Variants in ZMYM2 observed in about 807,000 individuals in gnomAD.
The protein encoded by ZMYM2 is zinc finger MYM-type containing 2.
In ZMYM2, 56 loss-of-function variants were observed where a neutral mutation model predicts 162.8. The observed-to-expected ratio is 0.34, with a 90% CI of 0.28 to 0.43. The LOEUF (loss-of-function observed/expected upper bound fraction) is 0.43. Among genes scored for constraint, ZMYM2 ranks in the 20% least tolerant of loss-of-function variants. ZMYM2 has a pLI of 1.00. For synonymous variants in ZMYM2, 510 were observed against 541.6 expected (o/e 0.94, Z 0.81); for missense variants, 1,275 against 1,621.8 (o/e 0.79, Z 3.67).
In ZMYM2 at chr13:20,083,709, C is replaced by T; in HGVS notation, c.3874C>T (p.Gln1292Ter). The change falls in exon 24 of 25, where the codon CAA (glutamine) becomes TAA (stop). Residue 1292 changes from glutamine (Q) to a stop codon, truncating the protein, a stop_gained. Transcript: ENST00000610343. LOFTEE classifies it high-confidence loss of function. ...TGAAGATGATGAGCCAGTATTTGAACAAATTGAAAACACAGCCAATCCTTC... is the reference window on the plus strand; with the variant it reads ...TGAAGATGATGAGCCAGTATTTGAATAAATTGAAAACACAGCCAATCCTTC... ...KHEDDEPVFEQIENTANPSRC... is the reference protein window; with the variant it reads ...KHEDDEPVFE 1 of 1,590,802 alleles carries T rather than the reference C, an allele frequency of 6.3e-7. No homozygotes were observed. The highest frequency in any genetic ancestry group is 8.6e-7 in the Non-Finnish European group (1 of 1,166,628).
At chr13:19,936,461 C>T in the ZMYM2 span, among the ~76,000 whole-genome samples, 47 of 152,170 alleles carry the variant, frequency 3.1e-4, no homozygotes, top group Non-Finnish European at 6.3e-4. Context: ...GTGGCTCTTG[C>T]CTGTAATCCC....
intron 21 of ZMYM2, among the ~76,000 whole-genome samples, chr13:20,078,278 C>G (rs1957655633): frequency 2.0e-5 from 3 of 152,098 alleles, no homozygotes; most frequent in Admixed American, 2.0e-4. Context: ...ATTAATGAAG[C>G]TTTATTCATA....
chr13:20,002,972 A>C lies in ZMYM2; in HGVS notation c.970A>C (p.Thr324Pro). Residue 324 changes from threonine (T) to proline (P), a missense_variant, in exon 4 of 25, where the codon ACT (threonine) becomes CCT (proline). Thr to Pro is a conservative substitution (Grantham distance 38). Around this residue, in one of 10 missense-constraint regions of ZMYM2, gnomAD observed 115 missense variants for 175.3 expected, o/e 0.66. Transcript: ENST00000610343. ...CCAGCCGTCTGTCCAACAGCAGCCT[A>C]CTAAACCAGTTAAAGTCACTTGTGC... Reference protein sequence around the residue: ...IFQPSVQQQPTKPVKVTCANC... With the variant: ...IFQPSVQQQPPKPVKVTCANC... 6.2e-7 allele frequency: 1 copy of C among 1,614,148 alleles called. No individual in the cohort carries two copies. Among genetic ancestry groups the C allele is most frequent in the Non-Finnish European group, 8.5e-7 (1 of 1,180,028 alleles).
At chr13:19,957,483 C>G (rs537144142), upstream of ZMYM2, among the ~76,000 whole-genome samples, 24 of 152,314 alleles carry the variant, frequency 1.6e-4, no homozygotes, top group South Asian at 2.1e-4. Flanking sequence ...CCATGACGTC[C>G]GCCGAAGACG....
At position 20,086,794 on chromosome 13, in the gene ZMYM2, TATATAA is replaced by T; in HGVS notation, c.*783_*788del. The T allele has an allele frequency of 6.6e-6, 1 of 151,050 alleles. No individual in the cohort carries two copies. Among genetic ancestry groups the T allele is most frequent in the Non-Finnish European group, 1.4e-5 (1 of 69,068 alleles). The allele number at this position is 151,050 out of a possible 1,614,324, so 9.4% of individuals were successfully genotyped here. On this transcript the variant is annotated 3_prime_UTR_variant, in exon 25 of 25. Coordinates refer to ENST00000610343, the MANE Select transcript of ZMYM2 (RefSeq NM_197968.4). ...GTGTATATATATATATATATATATA[TATATAA>T]ATGATTGTAAGTTGAAAACAAGATC... is the stretch of plus-strand genomic sequence containing the variant.
At chr13:20,051,255 A>T (rs373278010) in intron 12 of ZMYM2, among the ~76,000 whole-genome samples, 178 bp from the exon 13 acceptor site, 27,690 of 132,622 alleles carry the variant, frequency 0.21, 4,009 homozygotes, top group Admixed American at 0.29. Context: ...GTGAAATTGT[A>T]TTTTTTTTTT....
intron 19 of ZMYM2, among the ~76,000 whole-genome samples, chr13:20,064,907 G>A (rs1956557599): frequency 6.6e-6 from 1 of 152,014 alleles, no homozygotes; most frequent in African/African-American, 2.4e-5. Flanking sequence ...AGTTGCTAAA[G>A]TAGTAAGTTC....
intron 21 of ZMYM2, among the ~76,000 whole-genome samples, chr13:20,074,319 C>A (rs1957327360): frequency 6.6e-6 from 1 of 151,396 alleles, no homozygotes; most frequent in Non-Finnish European, 1.5e-5. Context: ...ATACCCTCAA[C>A]CTCCCAGGCT....
In ZMYM2 at chr13:20,086,260, GT is replaced by G. The variant is rs1958261958; in HGVS notation, c.*249del. On this transcript the variant is annotated 3_prime_UTR_variant, in exon 25 of 25. Coordinates refer to ENST00000610343, the MANE Select transcript of ZMYM2 (RefSeq NM_197968.4). The stretch of plus-strand genomic sequence containing the variant: ...TATTATTATTTATTTGATTAGGTAT[GT>G]TTGTAACTTTTTACATTACAGAATA... The G allele has an allele frequency of 3.2e-6, 1 of 310,322 alleles. No individual in the cohort carries two copies. Among genetic ancestry groups the G allele is most frequent in the African/African-American group, 2.1e-5 (1 of 47,240 alleles). The allele number at this position is 310,322 out of a possible 1,614,324, so 19.2% of individuals were successfully genotyped here. A position where few individuals can be genotyped will look rare whatever the true frequency, so the allele number is the denominator to read the frequency against.
chr13:19,920,070 A>G, the ZMYM2 span, among the ~76,000 whole-genome samples: 1 of 152,124 alleles, frequency 6.6e-6, no homozygotes, highest in African/African-American at 2.4e-5. Flanking sequence ...TGGTCTCCCA[A>G]TGTGCTGGGA....
chr13:20,076,400 G>T (rs1957506802), intron 21 of ZMYM2, among the ~76,000 whole-genome samples: 1 of 150,420 alleles, frequency 6.6e-6, no homozygotes, highest in Non-Finnish European at 1.5e-5. Flanking sequence ...TCCAGAAGGG[G>T]TATTATTGGA....
At chr13:19,989,845 T>C (rs570081161) in intron 2 of ZMYM2, among the ~76,000 whole-genome samples, 1 of 152,362 alleles carries the variant, frequency 6.6e-6, no homozygotes, top group South Asian at 2.1e-4. Flanking sequence ...GAGTGTTCTG[T>C]AACTTTTAAA....
rs1284084808 is a variant in ZMYM2 at position 20,002,926 on chromosome 13, C to T, written c.924C>T (p.Ala308=). The change falls in exon 4 of 25, where the codon GCC becomes GCT. Residue 308 remains alanine (A), a synonymous_variant. Coordinates refer to ENST00000610343, the MANE Select transcript of ZMYM2 (RefSeq NM_197968.4). ...QPGVDSLSPV[A]SLPKQIFQPS... ...GGGTGGACTCTTTATCACCAGTGGC[C>T]TCACTTCCTAAACAGATTTTCCAGC... 25 of 1,614,158 alleles carry T rather than the reference C, an allele frequency of 1.5e-5. No homozygotes were observed. The highest frequency in any genetic ancestry group is 2.2e-5 in the South Asian group (2 of 91,078).
chr13:19,989,525 A>G (rs571993261), intron 2 of ZMYM2, among the ~76,000 whole-genome samples: 74 of 152,242 alleles, frequency 4.9e-4, no homozygotes, highest in African/African-American at 1.7e-3. Context: ...ACTGGTCTCT[A>G]ACTCCGGACC....
At chr13:20,048,629 A>G (rs374129672) in intron 12 of ZMYM2, among the ~76,000 whole-genome samples, 156 of 152,172 alleles carry the variant, frequency 1.0e-3, no homozygotes, top group African/African-American at 3.3e-3. Context: ...ATATCAGTCA[A>G]AAATGAAAAG....
chr13:20,054,459 G>A (rs1190112772), intron 14 of ZMYM2, among the ~76,000 whole-genome samples: 1 of 152,162 alleles, frequency 6.6e-6, no homozygotes, highest in Non-Finnish European at 1.5e-5. Flanking sequence ...TAAAATGGGA[G>A]TGATAAAAAG....
At chr13:19,954,126 A>ATTTTT (rs781288600), upstream of ZMYM2, among the ~76,000 whole-genome samples, 51 of 64,908 alleles carry the variant, frequency 7.9e-4, 11 homozygotes, top group South Asian at 1.3e-3. Flanking sequence ...GCTATGTTTA[A>ATTTTT]TTTTTTTTTT....
At chr13:20,019,169 A>T (rs1294214622) in intron 6 of ZMYM2, among the ~76,000 whole-genome samples, 3 of 152,100 alleles carry the variant, frequency 2.0e-5, no homozygotes, top group Admixed American at 6.6e-5. Flanking sequence ...ATAATCTCCA[A>T]ATGACTTAAT....
chr13:19,885,529 AT>A, the ZMYM2 span, among the ~76,000 whole-genome samples: 2 of 151,978 alleles, frequency 1.3e-5, no homozygotes, highest in Non-Finnish European at 2.9e-5. Flanking sequence ...GTACTGTTTT[AT>A]TTATTTGTCT....
Sources: allele counts gnomAD v4.1 joint callset (sites outside exome capture counted in the v4.1 genomes callset), GRCh38; gene constraint gnomAD v4.1.1; regional missense constraint gnomAD v4.1.1; transcripts MANE v1.5; gene names NCBI Gene and HGNC (gene_info 2026-07-23, HGNC 2026-07-21).